The following CPE variants were observed in gnomAD, a reference collection of about 807,000 sequenced individuals.
CPE encodes carboxypeptidase E.
CPE carries 17 observed loss-of-function variants against 53.5 expected under a neutral mutation model. The observed-to-expected ratio is 0.32, with a 90% confidence interval of 0.22 to 0.48. CPE has a LOEUF of 0.48. Ranked by LOEUF, CPE falls within the 20% of genes least tolerant of loss-of-function variation. The pLI is 0.99. For missense variants in CPE, 524 were observed against 614.7 expected (o/e 0.85, Z 1.56); for synonymous variants, 226 against 228.8 (o/e 0.99, Z 0.11).
intron 1 of CPE, among the ~76,000 whole-genome samples, chr4:165,386,558 C>T (rs1368087343): frequency 6.6e-6 from 1 of 152,126 alleles, no homozygotes; most frequent in African/African-American, 2.4e-5. Context: ...TTTTTGTGTG[C>T]ACTGAATCCA....
intron 5 of CPE, among the ~76,000 whole-genome samples, chr4:165,487,104 T>C (rs73860795): frequency 0.014 from 2,140 of 152,300 alleles, 55 homozygotes; most frequent in African/African-American, 0.048. Context: ...TGTGCATTTC[T>C]TTAATAGATC....
rs1243351862 is a variant in CPE, at chr4:165,487,478, G to A, written c.1014G>A (p.Glu338=). ...ATTACCTTAGCAGCAACTGTTTTGA[G>A]ATCACCGTGGAGCTTAGCTGTGAGA... ...DFNYLSSNCF[E]ITVELSCEKF... is the part of the protein sequence containing the mutation. Residue 338 remains glutamate (E), a synonymous_variant, in exon 6 of 9, where the codon GAG becomes GAA. Transcript: ENST00000402744. 1 of 1,614,104 alleles carries A rather than the reference G, an allele frequency of 6.2e-7. No individual in the cohort carries two copies. The highest frequency in any genetic ancestry group is 1.7e-5 in the Admixed American group (1 of 60,016).
chr4:165,474,206 A>G (rs1286997536), intron 3 of CPE, among the ~76,000 whole-genome samples: 1 of 152,218 alleles, frequency 6.6e-6, no homozygotes, highest in African/African-American at 2.4e-5. Context: ...CCTCCTTATT[A>G]TGCTCTCAGT....
At position 165,379,844 on chromosome 4, in the gene CPE, A is replaced by G. The variant is rs376061365; in HGVS notation, c.307+316A>G. Reference sequence around the variant, plus strand: ...GGCGGGGGATGGGGGGGATAGCAATACAGAAAAAACAAATCCTGACGCACG... The same window carrying G: ...GGCGGGGGATGGGGGGGATAGCAATGCAGAAAAAACAAATCCTGACGCACG... On this transcript the variant is annotated intron_variant, in intron 1 of 8. Coordinates refer to ENST00000402744, the MANE Select transcript of CPE (RefSeq NM_001873.4). The surrounding 1 kb of genome is among the most constrained non-coding windows in gnomAD (Gnocchi z 6.0). Among the ~76,000 whole-genome samples the G allele has an allele frequency of 9.2e-5, 14 of 152,014 alleles. 1 individual carries two copies. Among genetic ancestry groups the G allele is most frequent in the Admixed American group, 3.9e-4 (6 of 15,290 alleles).
At chr4:165,386,045 C>T (rs1730585532) in intron 1 of CPE, among the ~76,000 whole-genome samples, 1 of 152,214 alleles carries the variant, frequency 6.6e-6, no homozygotes, top group Non-Finnish European at 1.5e-5. Context: ...GGGACTTGAG[C>T]TCAAATCCTG....
At chr4:165,421,193 G>T (rs1342142060) in intron 1 of CPE, among the ~76,000 whole-genome samples, 1 of 152,296 alleles carries the variant, frequency 6.6e-6, no homozygotes. Context: ...CAAACCTACT[G>T]AGTGTGCAGT....
At chr4:165,459,591 C>T (rs1019615788) in intron 1 of CPE, among the ~76,000 whole-genome samples, 5 of 148,390 alleles carry the variant, frequency 3.4e-5, no homozygotes, top group African/African-American at 1.3e-4. Flanking sequence ...AGATCAGGAA[C>T]TCAGGATTAC....
At chr4:165,438,300 G>A (rs1731544947) in intron 1 of CPE, among the ~76,000 whole-genome samples, 1 of 152,098 alleles carries the variant, frequency 6.6e-6, no homozygotes, top group South Asian at 2.1e-4. Context: ...AGTTATGTGA[G>A]GGAGTTGTTT....
intron 1 of CPE, among the ~76,000 whole-genome samples, chr4:165,460,152 A>G (rs1471921626): frequency 6.6e-6 from 1 of 152,078 alleles, no homozygotes; most frequent in Non-Finnish European, 1.5e-5. Flanking sequence ...TGTAAACACT[A>G]TAAACAGGAA....
At chr4:165,421,685 CA>C (rs1295323337) in intron 1 of CPE, among the ~76,000 whole-genome samples, 3 of 152,140 alleles carry the variant, frequency 2.0e-5, no homozygotes, top group African/African-American at 7.2e-5. Flanking sequence ...TTAGGCTAAA[CA>C]TTGTGCTCAC....
intron 1 of CPE, among the ~76,000 whole-genome samples, chr4:165,397,553 A>G (rs1010122989): frequency 2.0e-5 from 3 of 152,192 alleles, no homozygotes; most frequent in Admixed American, 2.0e-4. Flanking sequence ...ACTTGAGTGG[A>G]AGATGTTGCC....
intron 1 of CPE, chr4:165,405,798 T>G (rs1579246588): frequency 1.2e-6 from 1 of 818,964 alleles, no homozygotes; most frequent in African/African-American, 1.7e-5. Flanking sequence ...CACCCACCAT[T>G]TTGGGCAGCC....
At position 165,430,713 on chromosome 4, in the gene CPE, T is replaced by C. The variant is rs144728831; in HGVS notation, c.308-33677T>C. Among the ~76,000 whole-genome samples, 418 of 152,286 alleles carry C rather than the reference T, an allele frequency of 2.7e-3. 2 individuals carry two copies. The highest frequency in any genetic ancestry group is 9.6e-3 in the African/African-American group (398 of 41,562). On this transcript the variant is annotated intron_variant, in intron 1 of 8. Coordinates refer to ENST00000402744, the MANE Select transcript of CPE (RefSeq NM_001873.4). ...ATGCAAAAAGAAAATTATTTAAGGA[T>C]ATACATTTCAGACCTACTAAAAGAG... is the stretch of plus-strand genomic sequence containing the variant.
intron 1 of CPE, among the ~76,000 whole-genome samples, chr4:165,442,035 TG>T (rs1259372050): frequency 0.19 from 24,304 of 129,460 alleles, 3,574 homozygotes; most frequent in African/African-American, 0.31. Context: ...TTTTTTTTTT[TG>T]TTTTTTTTTT....
At chr4:165,404,935 A>C (rs1730928595) in intron 1 of CPE, 2 of 759,418 alleles carry the variant, frequency 2.6e-6, no homozygotes, top group Admixed American at 1.7e-5. Flanking sequence ...GAGATGTGTT[A>C]CTAGCAAAGA....
chr4:165,469,203 C>T (rs1370687), intron 3 of CPE, among the ~76,000 whole-genome samples: 111,136 of 152,086 alleles, frequency 0.73, 40,869 homozygotes, highest in African/African-American at 0.8. Flanking sequence ...TGTCATCAGT[C>T]ACTTGGAGGA....
intron 1 of CPE, among the ~76,000 whole-genome samples, chr4:165,385,075 T>G (rs1246539175): frequency 6.6e-6 from 1 of 152,216 alleles, no homozygotes; most frequent in Admixed American, 6.5e-5. Context: ...TTTTTACTTT[T>G]GTTCACCTCT....
chr4:165,385,592 C>T (rs1452743258), intron 1 of CPE, among the ~76,000 whole-genome samples: 2 of 151,874 alleles, frequency 1.3e-5, no homozygotes, highest in African/African-American at 4.8e-5. Context: ...CAGATGTGAG[C>T]CACCACACCC....
intron 1 of CPE, among the ~76,000 whole-genome samples, chr4:165,440,422 C>A (rs1731587098): frequency 6.7e-6 from 1 of 148,894 alleles, no homozygotes; most frequent in African/African-American, 2.5e-5. Context: ...TTTCAGAATC[C>A]CCTTAGCTGC....
Sources: allele counts gnomAD v4.1 joint callset (sites outside exome capture counted in the v4.1 genomes callset), GRCh38; gene constraint gnomAD v4.1.1; non-coding constraint Gnocchi (gnomAD v3.1); transcripts MANE v1.5; gene names NCBI Gene and HGNC (gene_info 2026-07-23, HGNC 2026-07-21).